The following LAMC1 variants were observed in gnomAD, a reference collection of about 807,000 sequenced individuals.
LAMC1 encodes the protein laminin subunit gamma 1.
In LAMC1, 38 loss-of-function variants were observed where a neutral mutation model predicts 173.6. The ratio of observed to expected loss-of-function variants is 0.22; its 90% confidence interval spans 0.17 to 0.29. LAMC1 has a LOEUF of 0.29. Ranked by LOEUF, LAMC1 falls within the 10% of genes least tolerant of loss-of-function variation. The pLI, the probability that LAMC1 is intolerant of heterozygous loss-of-function variation, is 1.00. For missense variants in LAMC1, 1,824 were observed against 2,051.8 expected (o/e 0.89, Z 2.14); for synonymous variants, 746 against 749.1 (o/e 1.00, Z 0.07).
At chr1:183,134,982 C>G (rs1571465367) in intron 23 of LAMC1, 60 bp from the exon 24 acceptor site, 5 of 1,458,506 alleles carry the variant, frequency 3.4e-6, no homozygotes, top group Non-Finnish European at 3.8e-6. Flanking sequence ...CCTTGTCTGT[C>G]CAGGAGACAG....
chr1:183,112,366 A>G (rs928160598), intron 4 of LAMC1, among the ~76,000 whole-genome samples: 1 of 152,192 alleles, frequency 6.6e-6, no homozygotes, highest in Non-Finnish European at 1.5e-5. Flanking sequence ...ATAATGTCGT[A>G]TTTTGAGTCT....
chr1:183,066,631 A>G (rs1654880687), intron 1 of LAMC1, among the ~76,000 whole-genome samples: 1 of 152,252 alleles, frequency 6.6e-6, no homozygotes, highest in Non-Finnish European at 1.5e-5. Flanking sequence ...AGCCATAAAA[A>G]AGGATGAGTT....
chr1:183,107,035 C>T (rs1276242396), intron 2 of LAMC1, among the ~76,000 whole-genome samples: 1 of 152,194 alleles, frequency 6.6e-6, no homozygotes, highest in Non-Finnish European at 1.5e-5. Flanking sequence ...CACATGTAAA[C>T]ATCTGCCTAA....
At position 183,114,674 on chromosome 1, in the gene LAMC1, C is replaced by A; in HGVS notation, c.1165C>A (p.Leu389Ile). The A allele has an allele frequency of 6.2e-7, 1 of 1,614,170 alleles. No individual in the cohort carries two copies. The highest frequency in any genetic ancestry group is 1.3e-5 in the African/African-American group (1 of 75,038). ...GAGGTGCCGAGAGAACTTCTTCCGC[C>A]TTGGCAACAATGAAGCCTGCTCTTC... is the stretch of plus-strand genomic sequence containing the variant. ...CERCRENFFRLGNNEACSSCH... is the reference protein window; with the variant it reads ...CERCRENFFRIGNNEACSSCH... The change falls in exon 5 of 28, where the codon CTT becomes ATT. Residue 389 changes from leucine to isoleucine, a missense_variant. Coordinates refer to ENST00000258341, the MANE Select transcript of LAMC1 (RefSeq NM_002293.4).
At chr1:183,025,654 A>C (rs1024364577) in intron 1 of LAMC1, among the ~76,000 whole-genome samples, 1 of 152,198 alleles carries the variant, frequency 6.6e-6, no homozygotes, top group African/African-American at 2.4e-5. Context: ...ATGTGTATCT[A>C]AGTATTTCTG....
chr1:183,059,577 A>T (rs935247041), intron 1 of LAMC1, among the ~76,000 whole-genome samples: 6 of 152,214 alleles, frequency 3.9e-5, no homozygotes. Context: ...AAATGATCTG[A>T]GTGGCCACCT....
At position 183,071,313 on chromosome 1, in the gene LAMC1, C is replaced by G. The variant is rs1176690721; in HGVS notation, c.419-32015C>G. Among the ~76,000 whole-genome samples the G allele has an allele frequency of 3.9e-5, 6 of 152,034 alleles. No individual in the cohort carries two copies. In the East Asian group the frequency reaches 1.2e-3, roughly 29 times the overall value. On this transcript the variant is annotated intron_variant, in intron 1 of 27. Coordinates refer to ENST00000258341, the MANE Select transcript of LAMC1 (RefSeq NM_002293.4). ...TGATGCTGTGTTCTGTAGCTATTAC[C>G]CTGTGGAGTTTCTCACTTGAAAATT...
intron 2 of LAMC1, among the ~76,000 whole-genome samples, chr1:183,107,970 G>A (rs993637170): frequency 6.6e-6 from 1 of 152,118 alleles, no homozygotes; most frequent in Admixed American, 6.5e-5. Flanking sequence ...CATGTGTATC[G>A]AGTCCCTAAT....
chr1:183,034,072 A>T (rs1346483106), intron 1 of LAMC1, among the ~76,000 whole-genome samples: 1 of 152,168 alleles, frequency 6.6e-6, no homozygotes, highest in African/African-American at 2.4e-5. Flanking sequence ...AGATGAGCTT[A>T]TTGCATTTTG....
intron 1 of LAMC1, among the ~76,000 whole-genome samples, chr1:183,037,573 A>G (rs1009650169): frequency 3.3e-5 from 5 of 152,200 alleles, no homozygotes; most frequent in Non-Finnish European, 7.3e-5. Flanking sequence ...AACATTATTC[A>G]GGTTCAGAAG....
rs766481957 is a variant in LAMC1 at position 183,121,869 on chromosome 1, C to G, written c.2137C>G (p.Pro713Ala). The G allele has an allele frequency of 6.8e-6, 11 of 1,614,152 alleles. No homozygotes were observed. The highest frequency in any genetic ancestry group is 6.7e-5 in the African/African-American group (5 of 75,032). ...CCTCTCAGGTTACAGAAGAGAAACT[C>G]CTAATCTTGGACCATACAGTCCATG... is the stretch of plus-strand genomic sequence containing the variant. ...MCLSGYRRET[P>A]NLGPYSPCVL... Residue 713 changes from proline to alanine, a missense_variant, in exon 12 of 28, where the codon CCT becomes GCT. By Grantham distance (27) the Pro-to-Ala change is conservative. Transcript: ENST00000258341.
intron 1 of LAMC1, among the ~76,000 whole-genome samples, chr1:183,055,316 C>T (rs889766657): frequency 2.0e-5 from 3 of 151,878 alleles, no homozygotes; most frequent in African/African-American, 7.3e-5. Flanking sequence ...ATTTCTCTTC[C>T]TAGTGTGTGA....
At chr1:183,111,887 TAGCC>T (rs1464892334) in intron 4 of LAMC1, among the ~76,000 whole-genome samples, 1 of 151,958 alleles carries the variant, frequency 6.6e-6, no homozygotes, top group African/African-American at 2.4e-5. Flanking sequence ...ATAGAAAAAT[TAGCC>T]AGGTGTGGTG....
chr1:183,033,320 G>A (rs552900931), intron 1 of LAMC1, among the ~76,000 whole-genome samples: 1 of 152,160 alleles, frequency 6.6e-6, no homozygotes. Flanking sequence ...CTTGGTAGAC[G>A]CCTCAGGCAG....
At position 183,117,412 on chromosome 1, in the gene LAMC1, A is replaced by G; in HGVS notation, c.1657A>G (p.Ser553Gly). ...GCAAGATATCGCCGTGATCTCAGAC[A>G]GCTACTTTCCTCGGTACTTCATTGC... ...ERQDIAVISD[S>G]YFPRYFIAPA... The change falls in exon 9 of 28, where the codon AGC (serine) becomes GGC (glycine). Residue 553 changes from serine to glycine, a missense_variant. Ser to Gly is a moderately conservative substitution (Grantham distance 56). Coordinates refer to ENST00000258341, the MANE Select transcript of LAMC1 (RefSeq NM_002293.4). 2 of 1,613,886 alleles carry G rather than the reference A, an allele frequency of 1.2e-6. No homozygotes were observed. The highest frequency in any genetic ancestry group is 1.7e-6 in the Non-Finnish European group (2 of 1,179,770).
intron 6 of LAMC1, 49 bp from the exon 7 acceptor site, chr1:183,116,528 G>C: frequency 7.8e-7 from 1 of 1,276,242 alleles, no homozygotes; most frequent in Non-Finnish European, 1.1e-6. Context: ...CTTGAAGAGT[G>C]GAAGTTTTCT....
intron 1 of LAMC1, among the ~76,000 whole-genome samples, chr1:183,038,531 A>C (rs946271165): frequency 1.4e-5 from 2 of 144,178 alleles, no homozygotes; most frequent in Non-Finnish European, 3.0e-5. Flanking sequence ...TTTTCCATCA[A>C]CTTTCTTCAG....
chr1:183,088,831 G>A (rs1196106155), intron 1 of LAMC1, among the ~76,000 whole-genome samples: 5 of 152,180 alleles, frequency 3.3e-5, no homozygotes, highest in African/African-American at 9.7e-5. Context: ...AAGGTGAGAC[G>A]TGGCATATGG....
intron 4 of LAMC1, among the ~76,000 whole-genome samples, 198 bp downstream of exon 4, chr1:183,110,852 G>A (rs1465003067): frequency 6.6e-6 from 1 of 152,202 alleles, no homozygotes; most frequent in East Asian, 1.9e-4. Context: ...TGAGGGTTTT[G>A]TGTTTCCTTC....
Sources: gnomAD v4.1 joint callset for allele counts (sites outside exome capture counted in the v4.1 genomes callset) on GRCh38, gnomAD v4.1.1 for gene constraint, MANE v1.5 for transcripts, NCBI Gene and HGNC (gene_info 2026-07-23, HGNC 2026-07-21) for gene names.